The following MARCHF3 variants were observed in gnomAD, a reference collection of about 807,000 sequenced individuals.
The protein encoded by MARCHF3 is E3 ubiquitin-protein ligase MARCHF3.
In MARCHF3, 13 loss-of-function variants were observed where a neutral mutation model predicts 24.2. That is an observed-to-expected ratio of 0.54 (90% CI 0.35 to 0.85). The LOEUF is 0.85. MARCHF3 is among the 40% of genes least tolerant of loss of function. The pLI is 0.01. For synonymous variants in MARCHF3, 144 were observed against 137.3 expected (o/e 1.05, Z -0.34); for missense variants, 276 against 325.0 (o/e 0.85, Z 1.16).
chr5:126,966,231 AG>A (rs1195886308), intron 1 of MARCHF3, among the ~76,000 whole-genome samples: 1 of 152,140 alleles, frequency 6.6e-6, no homozygotes, highest in African/African-American at 2.4e-5. Flanking sequence ...AATTCTGGGG[AG>A]GTGGAAATGT....
intron 1 of MARCHF3, among the ~76,000 whole-genome samples, chr5:127,006,709 A>G (rs1008707520): frequency 2.0e-5 from 3 of 152,218 alleles, no homozygotes; most frequent in African/African-American, 7.2e-5. Context: ...ATTTTTCAAC[A>G]AGATACCAAA....
At chr5:127,015,964 T>C (rs776260362) in intron 1 of MARCHF3, among the ~76,000 whole-genome samples, 18 of 152,180 alleles carry the variant, frequency 1.2e-4, no homozygotes, top group Non-Finnish European at 2.1e-4. Context: ...AGTCACTTAG[T>C]AGCCCTCTGC....
chr5:126,953,277 T>G (rs1273115498), intron 1 of MARCHF3, among the ~76,000 whole-genome samples: 1 of 152,206 alleles, frequency 6.6e-6, no homozygotes, highest in African/African-American at 2.4e-5. Flanking sequence ...GAAGACATGC[T>G]TCCTATTGCT....
chr5:126,906,537 C>G lies in MARCHF3; in HGVS notation c.393+8393G>C, dbSNP rs368290064. ...GCAGAGATTCAACTTCTTCCTGGTTCAGTCTTGGGAGAGTGTATGTGTCCA... is the reference window on the plus strand; with the variant it reads ...GCAGAGATTCAACTTCTTCCTGGTTGAGTCTTGGGAGAGTGTATGTGTCCA... On this transcript the variant is annotated intron_variant, in intron 3 of 4. Coordinates refer to ENST00000308660, the MANE Select transcript of MARCHF3 (RefSeq NM_178450.5). Among the ~76,000 whole-genome samples the G allele has an allele frequency of 2.6e-5, 4 of 152,284 alleles. No homozygotes were observed. In the East Asian group the frequency reaches 5.8e-4, roughly 22 times the overall value.
At chr5:126,937,507 T>C (rs1386561545) in intron 1 of MARCHF3, among the ~76,000 whole-genome samples, 1 of 152,226 alleles carries the variant, frequency 6.6e-6, no homozygotes, top group Non-Finnish European at 1.5e-5. Flanking sequence ...ATCCAAATTG[T>C]CCAGACAGCA....
intron 1 of MARCHF3, among the ~76,000 whole-genome samples, chr5:126,980,253 C>A (rs1247206391): frequency 6.6e-6 from 1 of 152,030 alleles, no homozygotes; most frequent in African/African-American, 2.4e-5. Context: ...GAGCCCTAAT[C>A]CATTATGAAG....
In MARCHF3 at chr5:126,915,122, G is replaced by A. The variant is rs756375895; in HGVS notation, c.201C>T (p.Asp67=). 1 of 1,613,694 alleles carries A rather than the reference G, an allele frequency of 6.2e-7. No individual in the cohort carries two copies. Among genetic ancestry groups the A allele is most frequent in the South Asian group, 1.1e-5 (1 of 91,048 alleles). The change falls in exon 3 of 5, where the codon GAC becomes GAT. Residue 67 remains aspartate (D), a synonymous_variant. Coordinates refer to ENST00000308660, the MANE Select transcript of MARCHF3 (RefSeq NM_178450.5). The part of the protein sequence containing the change: ...RTLATQSPFN[D]RPMCRICHEG... The stretch of plus-strand genomic sequence containing the variant: ...CGTGGCAGATCCTGCACATCGGCCG[G>A]TCATTGAAGGGGCTGCAAGAGAAGG...
chr5:126,925,822 C>T (rs1177247439), intron 1 of MARCHF3, among the ~76,000 whole-genome samples: 1 of 152,146 alleles, frequency 6.6e-6, no homozygotes, highest in Non-Finnish European at 1.5e-5. Context: ...TGGGACATTA[C>T]TCAGGGATGA....
intron 1 of MARCHF3, among the ~76,000 whole-genome samples, chr5:126,980,381 T>C (rs1323992272): frequency 6.6e-6 from 1 of 152,006 alleles, no homozygotes; most frequent in Non-Finnish European, 1.5e-5. Context: ...ATTCCTTTTT[T>C]TTTTTTTTGA....
intron 3 of MARCHF3, among the ~76,000 whole-genome samples, chr5:126,900,129 A>T (rs1259859721): frequency 6.6e-6 from 1 of 151,874 alleles, no homozygotes; most frequent in African/African-American, 2.4e-5. Flanking sequence ...TAAGGGCTTT[A>T]CTCATAATTT....
Position 126,867,931 on chromosome 5 carries a change from C to T in MARCHF3, c.*2702G>A, listed in dbSNP as rs955771452. On this transcript the variant is annotated 3_prime_UTR_variant, in exon 5 of 5. Coordinates refer to ENST00000308660, the MANE Select transcript of MARCHF3 (RefSeq NM_178450.5). Reference sequence around the variant, plus strand: ...TCACTGTGACACACATTTATCTCTACATGACATTCTCAAGAAAAATGATTA... The same window carrying T: ...TCACTGTGACACACATTTATCTCTATATGACATTCTCAAGAAAAATGATTA... 6.6e-6 allele frequency: 1 copy of T among 152,190 alleles called. No individual in the cohort carries two copies. Among genetic ancestry groups the T allele is most frequent in the African/African-American group, 2.4e-5 (1 of 41,438 alleles). 9.4% of individuals were successfully genotyped at this position (152,190 alleles called of 1,614,324 possible). A position where few individuals can be genotyped will look rare whatever the true frequency, so the allele number is the denominator to read the frequency against.
intron 4 of MARCHF3, among the ~76,000 whole-genome samples, 170 bp downstream of exon 4, chr5:126,878,013 AAC>A (rs3841139): frequency 0.066 from 9,914 of 151,204 alleles, 645 homozygotes; most frequent in African/African-American, 0.17. Context: ...CACACAGACA[AAC>A]ACACACACAC....
At chr5:126,895,232 C>A (rs565754032) in intron 3 of MARCHF3, among the ~76,000 whole-genome samples, 1 of 152,046 alleles carries the variant, frequency 6.6e-6, no homozygotes, top group Non-Finnish European at 1.5e-5. Flanking sequence ...TCAAAGTTTT[C>A]AACTTCTTTG....
intron 1 of MARCHF3, among the ~76,000 whole-genome samples, chr5:126,943,063 A>C (rs1393293960): frequency 6.6e-6 from 1 of 152,196 alleles, no homozygotes; most frequent in Non-Finnish European, 1.5e-5. Context: ...AGGCGGGTGG[A>C]TCAGTTGAGG....
rs1752930693 is a variant in MARCHF3 at position 126,870,552 on chromosome 5, G to T, written c.*81C>A. 6 of 1,335,972 alleles carry T rather than the reference G, an allele frequency of 4.5e-6. No homozygotes were observed. 82.8% of individuals were successfully genotyped at this position (1,335,972 alleles called of 1,614,324 possible). A position where few individuals can be genotyped will look rare whatever the true frequency, so the allele number is the denominator to read the frequency against. ...CCCACAGGCTTAAGGAAGGGCTTGG[G>T]GGTCGCTCAGTGCATGACCCCAGTG... On this transcript the variant is annotated 3_prime_UTR_variant, in exon 5 of 5. Transcript: ENST00000308660.
intron 1 of MARCHF3, among the ~76,000 whole-genome samples, chr5:126,996,004 C>T (rs1266892186): frequency 1.3e-5 from 2 of 152,144 alleles, no homozygotes; most frequent in Non-Finnish European, 2.9e-5. Flanking sequence ...AGGTGAGACT[C>T]CAGACATTCC....
chr5:127,011,352 C>T lies in MARCHF3; in HGVS notation c.-57+18998G>A, dbSNP rs552215882. On this transcript the variant is annotated intron_variant, in intron 1 of 4. Coordinates refer to ENST00000308660, the MANE Select transcript of MARCHF3 (RefSeq NM_178450.5). ...TCGCGGCATGCCTCCACCTACTCATCCAAATAACCTCAAGCTCTTTGGGCA... is the reference window on the plus strand; with the variant it reads ...TCGCGGCATGCCTCCACCTACTCATTCAAATAACCTCAAGCTCTTTGGGCA... Among the ~76,000 whole-genome samples the T allele has an allele frequency of 9.9e-5, 15 of 152,244 alleles. No homozygotes were observed. The South Asian group carries it at 1.2e-3, about 13-fold the overall frequency.
At chr5:127,006,408 C>G (rs1752314801) in intron 1 of MARCHF3, among the ~76,000 whole-genome samples, 1 of 152,062 alleles carries the variant, frequency 6.6e-6, no homozygotes, top group Admixed American at 6.5e-5. Flanking sequence ...GTTTTAAGGG[C>G]TGTCATTGTT....
At position 126,870,554 on chromosome 5, in the gene MARCHF3, G is replaced by C; in HGVS notation, c.*79C>G. 7.4e-7 allele frequency: 1 copy of C among 1,360,512 alleles called. No homozygotes were observed. The highest frequency in any genetic ancestry group is 1.0e-6 in the Non-Finnish European group (1 of 965,108). The allele number at this position is 1,360,512 out of a possible 1,614,324, so 84.3% of individuals were successfully genotyped here. ...CACAGGCTTAAGGAAGGGCTTGGGG[G>C]TCGCTCAGTGCATGACCCCAGTGCA... On this transcript the variant is annotated 3_prime_UTR_variant, in exon 5 of 5. Transcript: ENST00000308660.
Sources: gnomAD v4.1 joint callset for allele counts (sites outside exome capture counted in the v4.1 genomes callset) on GRCh38, gnomAD v4.1.1 for gene constraint, MANE v1.5 for transcripts, NCBI Gene and HGNC (gene_info 2026-07-23, HGNC 2026-07-21) for gene names.